KCNIP1: variants seen among roughly 807,000 people sequenced by gnomAD.
KCNIP1 encodes A-type potassium channel modulatory protein KCNIP1.
In KCNIP1, 18 loss-of-function variants were observed where a neutral mutation model predicts 33.0. The observed-to-expected ratio is 0.55, with a 90% confidence interval of 0.38 to 0.81. The LOEUF (loss-of-function observed/expected upper bound fraction) is 0.81, where lower values mean the gene tolerates loss of function less well. KCNIP1 is among the 30% of genes least tolerant of loss of function. The pLI, the probability that KCNIP1 is intolerant of heterozygous loss-of-function variation, is 0.00. For missense variants in KCNIP1, 238 were observed against 271.6 expected (o/e 0.88, Z 0.87); for synonymous variants, 93 against 98.3 (o/e 0.95, Z 0.32).
chr5:170,657,323 G>A (rs534700331), intron 1 of KCNIP1, among the ~76,000 whole-genome samples: 12 of 152,232 alleles, frequency 7.9e-5, no homozygotes, highest in South Asian at 2.1e-4. Context: ...GAATGTGAGC[G>A]GAGGCCCCCA....
At chr5:170,634,253 T>C (rs147266562) in intron 1 of KCNIP1, among the ~76,000 whole-genome samples, 56 of 152,258 alleles carry the variant, frequency 3.7e-4, no homozygotes, top group African/African-American at 1.1e-3. Flanking sequence ...GGCTGGGAGA[T>C]ATCTAAGTGG....
At chr5:170,590,932 T>A (rs992735345) in intron 1 of KCNIP1, among the ~76,000 whole-genome samples, 1 of 152,160 alleles carries the variant, frequency 6.6e-6, no homozygotes, top group East Asian at 1.9e-4. Flanking sequence ...CAGGTTTGTA[T>A]GGGGCAGGCC....
intron 1 of KCNIP1, among the ~76,000 whole-genome samples, chr5:170,592,303 T>C (rs115899331): frequency 0.011 from 1,635 of 152,330 alleles, 26 homozygotes; most frequent in African/African-American, 0.037. Context: ...ACTCTACTCA[T>C]ACTTTTGTAA....
chr5:170,731,922 A>C (rs1764217666), intron 5 of KCNIP1, among the ~76,000 whole-genome samples: 1 of 107,538 alleles, frequency 9.3e-6, no homozygotes, highest in African/African-American at 3.5e-5. Context: ...ATAAAATTTG[A>C]ATAAGCCCTG....
chr5:170,652,498 AAAGG>A (rs1554107877), intron 1 of KCNIP1, among the ~76,000 whole-genome samples: 12 of 103,052 alleles, frequency 1.2e-4, no homozygotes, highest in Non-Finnish European at 1.6e-4. Flanking sequence ...AAAAAAAAAA[AAAGG>A]AAGGAAGGAA....
chr5:170,359,740 C>G (rs950658950), intron 1 of KCNIP1, among the ~76,000 whole-genome samples: 1 of 152,172 alleles, frequency 6.6e-6, no homozygotes, highest in African/African-American at 2.4e-5. Flanking sequence ...AGCCTACTGG[C>G]CTCACCACCC....
intron 4 of KCNIP1, 134 bp downstream of exon 4, chr5:170,722,037 T>C (rs1763843658): frequency 9.0e-7 from 1 of 1,105,048 alleles, no homozygotes; most frequent in Non-Finnish European, 1.3e-6. Context: ...TATCCATTTG[T>C]AAGCATTTCC....
chr5:170,720,208 A>C, intron 2 of KCNIP1, 113 bp from the exon 3 acceptor site: 1 of 737,402 alleles, frequency 1.4e-6, no homozygotes. Context: ...GTGGAAATGC[A>C]CAGGTCCCTG....
At chr5:170,683,936 T>TGTGTGTGTGTGTG (rs1554111333) in intron 1 of KCNIP1, among the ~76,000 whole-genome samples, 2 of 108,560 alleles carry the variant, frequency 1.8e-5, no homozygotes, top group Admixed American at 2.0e-4. Context: ...GTGTGTGTGT[T>TGTGTGTGTGTGTG]AGTAGAGACA....
chr5:170,690,050 A>G (rs1216501540), intron 1 of KCNIP1, among the ~76,000 whole-genome samples: 2 of 152,198 alleles, frequency 1.3e-5, no homozygotes, highest in Admixed American at 1.3e-4. Context: ...TCACAAAGAC[A>G]GTGGTTATGT....
intron 1 of KCNIP1, among the ~76,000 whole-genome samples, chr5:170,710,157 G>C (rs553645655): frequency 1.3e-5 from 2 of 152,346 alleles, no homozygotes; most frequent in South Asian, 4.1e-4. Context: ...ATGAGCCACT[G>C]TGCCTGGACT....
chr5:170,408,432 T>C (rs1425068593), intron 1 of KCNIP1, among the ~76,000 whole-genome samples: 1 of 152,148 alleles, frequency 6.6e-6, no homozygotes, highest in Non-Finnish European at 1.5e-5. Context: ...AATGAGCTCA[T>C]TGTCATGTAA....
chr5:170,735,734 C>T (rs755540944), intron 7 of KCNIP1, 25 bp from the exon 8 acceptor site: 1 of 1,610,364 alleles, frequency 6.2e-7, no homozygotes, highest in Non-Finnish European at 8.5e-7. Context: ...AGAGTTCTAA[C>T]CCTCTTGCCC....
At chr5:170,614,998 CT>C (rs541233436) in intron 1 of KCNIP1, among the ~76,000 whole-genome samples, 62 of 152,292 alleles carry the variant, frequency 4.1e-4, no homozygotes, top group Non-Finnish European at 8.1e-4. Context: ...GGTGAATCAC[CT>C]GAGGTCAGGA....
intron 1 of KCNIP1, among the ~76,000 whole-genome samples, chr5:170,717,598 G>A (rs1297356446): frequency 6.6e-6 from 1 of 152,206 alleles, no homozygotes; most frequent in Non-Finnish European, 1.5e-5. Flanking sequence ...GATTCCTTTT[G>A]TATTGGGATC....
At chr5:170,546,594 G>C (rs1271775539) in intron 1 of KCNIP1, among the ~76,000 whole-genome samples, 1 of 152,172 alleles carries the variant, frequency 6.6e-6, no homozygotes, top group East Asian at 1.9e-4. Context: ...AAAACTGTCA[G>C]GAGTTATCAG....
At chr5:170,661,875 C>T (rs1761507493) in intron 1 of KCNIP1, among the ~76,000 whole-genome samples, 1 of 152,284 alleles carries the variant, frequency 6.6e-6, no homozygotes, top group African/African-American at 2.4e-5. Flanking sequence ...CACATCTTTC[C>T]AAAACCAATT....
At chr5:170,524,376 C>A (rs1206853964) in intron 1 of KCNIP1, among the ~76,000 whole-genome samples, 1 of 152,140 alleles carries the variant, frequency 6.6e-6, no homozygotes, top group African/African-American at 2.4e-5. Context: ...GGGAGGAATG[C>A]AAGGGTGAAT....
rs1367082480 is a variant in KCNIP1, at chr5:170,524,520, T to C, written c.61+19887T>C. ...ATCTATAATGTAGAAATAATAGTAA[T>C]AACAGAACCCATCCATGGGGTTGTT... On this transcript the variant is annotated intron_variant, in intron 1 of 7. Transcript: ENST00000328939. Among the ~76,000 whole-genome samples, 10 of 152,278 alleles carry C rather than the reference T, an allele frequency of 6.6e-5. No individual in the cohort carries two copies. In the South Asian group the frequency reaches 2.1e-3, roughly 32 times the overall value.
Sources: gnomAD v4.1 joint callset for allele counts (sites outside exome capture counted in the v4.1 genomes callset) on GRCh38, gnomAD v4.1.1 for gene constraint, MANE v1.5 for transcripts, NCBI Gene and HGNC (gene_info 2026-07-23, HGNC 2026-07-21) for gene names.